RANBP3L: variants seen among roughly 807,000 people sequenced by gnomAD.
RANBP3L encodes ran-binding protein 3-like.
RANBP3L carries 56 observed loss-of-function variants against 67.2 expected under a neutral mutation model. The observed-to-expected ratio is 0.83, with a 90% confidence interval of 0.67 to 1.04. RANBP3L has a LOEUF of 1.04. Among genes scored for constraint, RANBP3L ranks in the 50% least tolerant of loss-of-function variants. RANBP3L has a pLI of 0.00. For missense variants in RANBP3L, 496 were observed against 535.5 expected (o/e 0.93, Z 0.73); for synonymous variants, 164 against 181.4 (o/e 0.90, Z 0.77).
chr5:36,291,331 T>A (rs1365603265), intron 1 of RANBP3L, among the ~76,000 whole-genome samples: 1 of 151,840 alleles, frequency 6.6e-6, no homozygotes, highest in Non-Finnish European at 1.5e-5. Flanking sequence ...TTCATTTAAC[T>A]TTTTTATTTT....
chr5:36,262,632 G>A (rs144996071), intron 6 of RANBP3L, among the ~76,000 whole-genome samples: 6 of 152,162 alleles, frequency 3.9e-5, no homozygotes, highest in African/African-American at 1.4e-4. Flanking sequence ...ATCTGATCTA[G>A]TATTTACAAT....
At chr5:36,250,073 A>G (rs955872140) in intron 13 of RANBP3L, among the ~76,000 whole-genome samples, 11 of 151,922 alleles carry the variant, frequency 7.2e-5, no homozygotes, top group Admixed American at 6.6e-5. Context: ...AGATAGTTAC[A>G]TAGCACCCCT....
Position 36,247,400 on chromosome 5 carries a change from C to T in RANBP3L, c.*2254G>A, listed in dbSNP as rs1748352819. Reference sequence around the variant, plus strand: ...TCTTTGCCTTGCTGATATTCTAACCCTACATTTGGTTTTGTTGCACTGGCA... The same window carrying T: ...TCTTTGCCTTGCTGATATTCTAACCTTACATTTGGTTTTGTTGCACTGGCA... On this transcript the variant is annotated 3_prime_UTR_variant, in exon 14 of 14. Transcript: ENST00000296604. Among the ~76,000 whole-genome samples the T allele has an allele frequency of 6.6e-6, 1 of 152,174 alleles. No individual in the cohort carries two copies. The highest frequency in any genetic ancestry group is 1.5e-5 in the Non-Finnish European group (1 of 68,024).
chr5:36,293,181 C>T lies in RANBP3L; in HGVS notation c.91+8145G>A, dbSNP rs1156739406. On this transcript the variant is annotated intron_variant, in intron 1 of 13. Transcript: ENST00000296604. ...TGAAGCAATTGTGAATGGGAGTTCA[C>T]TCATGATTTGGCTCTCTGTTTGTCT... Among the ~76,000 whole-genome samples, 262 of 74,586 alleles carry T rather than the reference C, an allele frequency of 3.5e-3. 4 individuals carry two copies. The highest frequency in any genetic ancestry group is 9.3e-3 in the Middle Eastern group (2 of 214). The allele number at this position is 74,586 out of a possible 152,430, so 48.9% of individuals were successfully genotyped here.
intron 12 of RANBP3L, among the ~76,000 whole-genome samples, chr5:36,252,048 A>T (rs1219626530): frequency 1.3e-5 from 2 of 152,140 alleles, no homozygotes; most frequent in African/African-American, 2.4e-5. Context: ...TAAAGTTGGC[A>T]TAACATTTAC....
chr5:36,267,314 C>T (rs1024506959), intron 4 of RANBP3L, among the ~76,000 whole-genome samples: 2 of 152,056 alleles, frequency 1.3e-5, no homozygotes, highest in African/African-American at 4.8e-5. Flanking sequence ...CAAAACCATC[C>T]TGGCCGAAAT....
chr5:36,282,428 A>G (rs1351471161), intron 1 of RANBP3L, among the ~76,000 whole-genome samples: 2 of 152,208 alleles, frequency 1.3e-5, no homozygotes, highest in Non-Finnish European at 2.9e-5. Context: ...TAATAAGTTA[A>G]TACAGCTGAA....
intron 9 of RANBP3L, 32 bp from the exon 10 acceptor site, chr5:36,257,103 G>A: frequency 6.3e-7 from 1 of 1,584,762 alleles, no homozygotes; most frequent in Non-Finnish European, 8.6e-7. Flanking sequence ...ACACTTAAAA[G>A]TCCCCATTTT....
At chr5:36,258,567 C>T (rs752301005) in intron 8 of RANBP3L, among the ~76,000 whole-genome samples, 2 of 152,148 alleles carry the variant, frequency 1.3e-5, no homozygotes, top group South Asian at 4.1e-4. Context: ...CACAAATTAT[C>T]TCTATAATTC....
At chr5:36,289,645 T>G (rs1751568267) in intron 1 of RANBP3L, among the ~76,000 whole-genome samples, 1 of 152,180 alleles carries the variant, frequency 6.6e-6, no homozygotes, top group South Asian at 2.1e-4. Context: ...TTTATGCTAT[T>G]AAATGAGTAC....
At chr5:36,265,358 A>T in intron 5 of RANBP3L, 91 bp downstream of exon 5, 1 of 835,214 alleles carries the variant, frequency 1.2e-6, no homozygotes, top group East Asian at 2.5e-5. Flanking sequence ...ACCTACCTCC[A>T]TGCCCCCAAC....
Position 36,301,493 on chromosome 5 carries a change from A to C in RANBP3L, c.-77T>G. 1.0e-6 allele frequency: 1 copy of C among 999,908 alleles called. No homozygotes were observed. The highest frequency in any genetic ancestry group is 2.4e-5 in the East Asian group (1 of 41,848). The allele number at this position is 999,908 out of a possible 1,614,324, so 61.9% of individuals were successfully genotyped here. A position where few individuals can be genotyped will look rare whatever the true frequency, so the allele number is the denominator to read the frequency against. The stretch of plus-strand genomic sequence containing the variant: ...TGGCCAGTCACCTAAAGTGGCCTTC[A>C]CCAGACACCCAGAAATACATAGATT... On this transcript the variant is annotated 5_prime_UTR_variant, in exon 1 of 14. Transcript: ENST00000296604.
intron 1 of RANBP3L, among the ~76,000 whole-genome samples, chr5:36,295,467 A>C (rs2112152080): frequency 6.6e-6 from 1 of 152,152 alleles, no homozygotes; most frequent in South Asian, 2.1e-4. Context: ...AAGTTTCCTA[A>C]GGCCTCCCCA....
intron 1 of RANBP3L, among the ~76,000 whole-genome samples, chr5:36,292,710 T>C (rs1333605206): frequency 6.6e-6 from 1 of 151,992 alleles, no homozygotes; most frequent in African/African-American, 2.4e-5. Flanking sequence ...CAGATAGTTG[T>C]AGATATGCAG....
chr5:36,248,100 T>TA lies in RANBP3L; in HGVS notation c.*1553dup, dbSNP rs1389080840. On this transcript the variant is annotated 3_prime_UTR_variant, in exon 14 of 14. Transcript: ENST00000296604. ...GCATCAGAGTCACTCTTCTTGATTT[T>TA]AAAAAAGAGTATTTCTGTTGTCCAT... Among the ~76,000 whole-genome samples, 1 of 152,208 alleles carries TA rather than the reference T, an allele frequency of 6.6e-6. No homozygotes were observed. The highest frequency in any genetic ancestry group is 1.5e-5 in the Non-Finnish European group (1 of 68,032).
intron 1 of RANBP3L, among the ~76,000 whole-genome samples, chr5:36,284,337 A>G (rs952500872): frequency 6.6e-6 from 1 of 152,190 alleles, no homozygotes; most frequent in Non-Finnish European, 1.5e-5. Flanking sequence ...TTTTTAATTA[A>G]TACAGGTATT....
chr5:36,256,354 T>C (rs190865467), intron 10 of RANBP3L, among the ~76,000 whole-genome samples: 275 of 152,120 alleles, frequency 1.8e-3, no homozygotes, highest in African/African-American at 6.5e-3. Context: ...GAAAAGCAGA[T>C]GGAGAAAGGC....
At chr5:36,275,074 T>G (rs1750478731) in intron 1 of RANBP3L, among the ~76,000 whole-genome samples, 1 of 152,194 alleles carries the variant, frequency 6.6e-6, no homozygotes, top group African/African-American at 2.4e-5. Flanking sequence ...TCTGAAATAC[T>G]TCATTAAGAG....
chr5:36,301,299 T>C (rs745632625), intron 1 of RANBP3L, 27 bp downstream of exon 1: 2 of 1,538,688 alleles, frequency 1.3e-6, no homozygotes. Flanking sequence ...TCACAGAATA[T>C]GCAACTCATG....
Sources: gnomAD v4.1 joint callset for allele counts (sites outside exome capture counted in the v4.1 genomes callset) on GRCh38, gnomAD v4.1.1 for gene constraint, MANE v1.5 for transcripts, NCBI Gene and HGNC (gene_info 2026-07-23, HGNC 2026-07-21) for gene names.